Variants in RORA observed in about 807,000 individuals in gnomAD.
RORA encodes the protein nuclear receptor ROR-alpha.
A neutral mutation model predicts 69.5 loss-of-function variants in RORA; 7 were observed. That is an observed-to-expected ratio of 0.10 (90% CI 0.06 to 0.19). RORA has a LOEUF of 0.19. Ranked by LOEUF, RORA falls within the 10% of genes least tolerant of loss-of-function variation. The probability of loss-of-function intolerance (pLI) is 1.00; values close to 1 mark genes in which losing one functional copy is unlikely to be tolerated. For synonymous variants in RORA, 261 were observed against 240.8 expected (o/e 1.08, Z -0.78); for missense variants, 457 against 663.0 (o/e 0.69, Z 3.41).
chr15:61,063,379 G>A (rs2078213552), intron 1 of RORA, among the ~76,000 whole-genome samples: 1 of 152,148 alleles, frequency 6.6e-6, no homozygotes, highest in Admixed American at 6.5e-5. Flanking sequence ...AATGTAACTT[G>A]ATAAAAGAAA....
intron 1 of RORA, among the ~76,000 whole-genome samples, chr15:61,175,825 T>C (rs2079624557): frequency 6.6e-6 from 1 of 152,190 alleles, no homozygotes; most frequent in Admixed American, 6.5e-5. Context: ...CCATATTTCT[T>C]GCTCTGAGTT....
chr15:60,993,575 G>A (rs555640448), intron 1 of RORA, among the ~76,000 whole-genome samples: 225 of 147,472 alleles, frequency 1.5e-3, no homozygotes, highest in Non-Finnish European at 2.8e-3. Flanking sequence ...CCCAGGGGGC[G>A]GAGGTTGCAG....
At chr15:60,574,318 C>G (rs1022754275) in intron 2 of RORA, among the ~76,000 whole-genome samples, 1 of 152,200 alleles carries the variant, frequency 6.6e-6, no homozygotes, top group Admixed American at 6.5e-5. Flanking sequence ...ACAGGAAGCG[C>G]TTTATAAATG....
chr15:60,586,858 C>T (rs1366180310), intron 2 of RORA, among the ~76,000 whole-genome samples: 1 of 152,146 alleles, frequency 6.6e-6, no homozygotes, highest in African/African-American at 2.4e-5. Context: ...GGCCATTCCC[C>T]ACTAAGTGAG....
chr15:61,060,462 G>A (rs1293330082), intron 1 of RORA, among the ~76,000 whole-genome samples: 1 of 152,138 alleles, frequency 6.6e-6, no homozygotes, highest in Admixed American at 6.5e-5. Context: ...TGCCTTTCAG[G>A]TACACCTCAG....
At chr15:60,785,846 G>T (rs1478990674) in intron 1 of RORA, among the ~76,000 whole-genome samples, 4 of 152,200 alleles carry the variant, frequency 2.6e-5, no homozygotes, top group Admixed American at 2.6e-4. Context: ...TGTCACTGTT[G>T]TTGTTTTACA....
chr15:60,726,596 A>AC (rs998583405), intron 1 of RORA, among the ~76,000 whole-genome samples: 4 of 152,032 alleles, frequency 2.6e-5, no homozygotes, highest in Admixed American at 1.3e-4. Context: ...GAAAGACCAA[A>AC]CCAAGGTAGT....
rs570818762 is a variant in RORA at position 60,716,755 on chromosome 15, T to C, written c.167-38069A>G. 3.7e-4 allele frequency among the ~76,000 whole-genome samples: 57 copies of C among 152,212 alleles called. No individual in the cohort carries two copies. In the South Asian group the frequency reaches 9.8e-3, roughly 26 times the overall value. ...CCTATACTCTGAAGAGAGATAATGC[T>C]GATATCATGACGCTTCCATAAAAAC... On this transcript the variant is annotated intron_variant, in intron 1 of 10. Transcript: ENST00000335670.
At chr15:60,718,454 G>A (rs780728167) in intron 1 of RORA, among the ~76,000 whole-genome samples, 1 of 152,142 alleles carries the variant, frequency 6.6e-6, no homozygotes, top group East Asian at 1.9e-4. Flanking sequence ...ATGAAAAAAC[G>A]TTAGATTTAC....
intron 1 of RORA, among the ~76,000 whole-genome samples, chr15:61,079,399 C>G (rs150595208): frequency 9.8e-5 from 15 of 152,294 alleles, no homozygotes; most frequent in Non-Finnish European, 2.1e-4. Context: ...ATAAAGCTTT[C>G]TCCATGACAT....
At chr15:61,023,768 C>T (rs980173435) in intron 1 of RORA, among the ~76,000 whole-genome samples, 26 of 152,214 alleles carry the variant, frequency 1.7e-4, no homozygotes, top group African/African-American at 6.0e-4. Context: ...ATGAAAGATG[C>T]ACCTTTATTC....
intron 1 of RORA, chr15:61,176,523 A>G (rs1399926327): frequency 6.6e-6 from 1 of 152,126 alleles, no homozygotes; most frequent in African/African-American, 2.4e-5. Context: ...TGCTGCCCAG[A>G]TTGATCTTGA....
intron 2 of RORA, among the ~76,000 whole-genome samples, chr15:60,588,123 C>T (rs1021925247): frequency 6.6e-6 from 1 of 152,148 alleles, no homozygotes; most frequent in African/African-American, 2.4e-5. Context: ...CTTTGAGATA[C>T]TATCAAATGT....
At chr15:61,117,115 T>C (rs1333019136) in intron 1 of RORA, among the ~76,000 whole-genome samples, 1 of 152,072 alleles carries the variant, frequency 6.6e-6, no homozygotes, top group Non-Finnish European at 1.5e-5. Flanking sequence ...TAAATGTTAA[T>C]GGTGCTACAT....
intron 1 of RORA, among the ~76,000 whole-genome samples, chr15:61,033,133 C>A (rs1052913567): frequency 2.6e-5 from 4 of 152,138 alleles, no homozygotes; most frequent in Admixed American, 2.6e-4. Flanking sequence ...CTTGGCTATA[C>A]CCCAAGGAGT....
At chr15:60,558,164 G>A in intron 2 of RORA, 2 of 1,217,806 alleles carry the variant, frequency 1.6e-6, no homozygotes, top group South Asian at 1.3e-5. Context: ...ACACAAGACT[G>A]GGCCACATCT....
At chr15:60,713,250 G>A (rs1405924020) in intron 1 of RORA, among the ~76,000 whole-genome samples, 3 of 152,194 alleles carry the variant, frequency 2.0e-5, no homozygotes, top group African/African-American at 7.2e-5. Flanking sequence ...GCGCTGGCAA[G>A]TCATTCCTCC....
intron 1 of RORA, among the ~76,000 whole-genome samples, chr15:61,194,543 G>GAGA (rs2079830048): frequency 7.0e-6 from 1 of 143,472 alleles, no homozygotes; most frequent in South Asian, 2.2e-4. Context: ...AGCCTAGGAG[G>GAGA]AAAAAAAAAA....
chr15:60,929,888 C>G (rs959263469), intron 1 of RORA, among the ~76,000 whole-genome samples: 1 of 152,014 alleles, frequency 6.6e-6, no homozygotes, highest in Non-Finnish European at 1.5e-5. Context: ...TTGACAAGCT[C>G]GCCTCTGTTC....
Sources: gnomAD v4.1 joint callset for allele counts (sites outside exome capture counted in the v4.1 genomes callset) on GRCh38, gnomAD v4.1.1 for gene constraint, MANE v1.5 for transcripts, NCBI Gene and HGNC (gene_info 2026-07-23, HGNC 2026-07-21) for gene names.